The following PTCHD4 variants were observed in gnomAD, a reference collection of about 807,000 sequenced individuals.
The protein encoded by PTCHD4 is patched domain containing 4.
Under a neutral mutation model 58.1 loss-of-function variants are expected in PTCHD4, and 33 were observed. That is an observed-to-expected ratio of 0.57 (90% CI 0.43 to 0.76). PTCHD4 has a LOEUF of 0.76. PTCHD4 is among the 30% of genes least tolerant of loss of function. The probability of loss-of-function intolerance (pLI) is 0.00; values close to 1 mark genes in which losing one functional copy is unlikely to be tolerated. For missense variants in PTCHD4, 1,058 were observed against 1,027.1 expected, an observed-to-expected ratio of 1.03 and a Z score of -0.41; for synonymous variants, 478 against 409.6, an observed-to-expected ratio of 1.17 and a Z score of -2.02.
At chr6:48,014,201 C>T (rs550400790) in intron 3 of PTCHD4, among the ~76,000 whole-genome samples, 38 of 152,110 alleles carry the variant, frequency 2.5e-4, no homozygotes, top group African/African-American at 6.7e-4. Context: ...TTAAAAGGTC[C>T]ACATTTTGTA....
chr6:48,084,840 T>G (rs1765232505), intron 1 of PTCHD4, among the ~76,000 whole-genome samples: 1 of 150,934 alleles, frequency 6.6e-6, no homozygotes, highest in South Asian at 2.1e-4. Flanking sequence ...ACCTCCCAGG[T>G]TCAAGCTGTT....
At chr6:47,935,373 A>T (rs1198231465) in intron 4 of PTCHD4, among the ~76,000 whole-genome samples, 1 of 152,150 alleles carries the variant, frequency 6.6e-6, no homozygotes, top group Admixed American at 6.5e-5. Flanking sequence ...CTTTAAAATG[A>T]GAACATGTCA....
chr6:48,016,940 C>A (rs1421820826), intron 3 of PTCHD4, among the ~76,000 whole-genome samples: 1 of 152,178 alleles, frequency 6.6e-6, no homozygotes, highest in Non-Finnish European at 1.5e-5. Flanking sequence ...GATAATATGA[C>A]AGCACAGCTT....
intron 3 of PTCHD4, among the ~76,000 whole-genome samples, chr6:48,036,225 A>C (rs17660491): frequency 6.6e-6 from 1 of 151,886 alleles, no homozygotes; most frequent in Non-Finnish European, 1.5e-5. Context: ...TTTCAAGAGA[A>C]ATACAATTTG....
chr6:48,046,660 C>A lies in PTCHD4; in HGVS notation c.417+21570G>T, dbSNP rs373945881. Among the ~76,000 whole-genome samples the A allele has an allele frequency of 1.3e-3, 190 of 151,870 alleles. 4 individuals carry two copies. The South Asian group carries it at 0.038, about 30-fold the overall frequency. ...GGAACAGCTTTCTCAATTGTTCTGA[C>A]TTTTAAGAGGTCCTGCAGTTTGTTT... On this transcript the variant is annotated intron_variant, in intron 3 of 4. Coordinates refer to ENST00000339488, the MANE Select transcript of PTCHD4 (RefSeq NM_001384253.1).
At chr6:48,103,472 C>T (rs1021890726) in intron 1 of PTCHD4, among the ~76,000 whole-genome samples, 1 of 152,040 alleles carries the variant, frequency 6.6e-6, no homozygotes, top group Non-Finnish European at 1.5e-5. Context: ...TCATCAAAGA[C>T]CAAAGGTAGA....
chr6:47,965,321 G>A (rs1156270151), intron 4 of PTCHD4, among the ~76,000 whole-genome samples: 1 of 152,184 alleles, frequency 6.6e-6, no homozygotes, highest in Non-Finnish European at 1.5e-5. Context: ...ATCACCTGTA[G>A]ATGTGAAGAC....
At chr6:48,043,676 C>T (rs1763927903) in intron 3 of PTCHD4, among the ~76,000 whole-genome samples, 1 of 151,846 alleles carries the variant, frequency 6.6e-6, no homozygotes, top group South Asian at 2.1e-4. Flanking sequence ...TGACTATGTA[C>T]AATGTCTCTA....
intron 3 of PTCHD4, among the ~76,000 whole-genome samples, chr6:48,057,171 GT>G (rs372080844): frequency 8.7e-5 from 13 of 149,400 alleles, no homozygotes; most frequent in African/African-American, 2.7e-4. Context: ...TCTGGCGGCG[GT>G]TTTTTTTGTT....
chr6:47,959,010 A>G (rs1246113600), intron 4 of PTCHD4, among the ~76,000 whole-genome samples: 1 of 152,240 alleles, frequency 6.6e-6, no homozygotes, highest in Non-Finnish European at 1.5e-5. Context: ...TAGACATACA[A>G]AAATACATAG....
At chr6:48,101,426 G>C (rs1309318250) in intron 1 of PTCHD4, among the ~76,000 whole-genome samples, 1 of 152,160 alleles carries the variant, frequency 6.6e-6, no homozygotes, top group African/African-American at 2.4e-5. Flanking sequence ...AGTAGGTAAA[G>C]ACATAACCAT....
intron 3 of PTCHD4, among the ~76,000 whole-genome samples, chr6:48,017,082 G>A (rs951224071): frequency 1.3e-5 from 2 of 152,110 alleles, no homozygotes; most frequent in Non-Finnish European, 2.9e-5. Context: ...TTAGTAGATG[G>A]TGACATTTCC....
At position 47,873,603 on chromosome 6, in the gene PTCHD4, A is replaced by G. The variant is rs1763773628; in HGVS notation, c.*4700T>C. 6.6e-6 allele frequency among the ~76,000 whole-genome samples: 1 copy of G among 151,682 alleles called. No individual in the cohort carries two copies. Among genetic ancestry groups the G allele is most frequent in the African/African-American group, 2.4e-5 (1 of 41,380 alleles). On this transcript the variant is annotated 3_prime_UTR_variant, in exon 5 of 5. Coordinates refer to ENST00000339488, the MANE Select transcript of PTCHD4 (RefSeq NM_001384253.1). ...GATTTTGCTGCTTTCATTTGGGTCA[A>G]TATCATTGTAGTTATTTTGTAGACA... is the stretch of plus-strand genomic sequence containing the variant.
In PTCHD4 at chr6:47,873,371, T is replaced by C. The variant is rs1353910590; in HGVS notation, c.*4932A>G. Among the ~76,000 whole-genome samples the C allele has an allele frequency of 6.6e-6, 1 of 151,666 alleles. No homozygotes were observed. The highest frequency in any genetic ancestry group is 1.9e-4 in the East Asian group (1 of 5,146). On this transcript the variant is annotated 3_prime_UTR_variant, in exon 5 of 5. Transcript: ENST00000339488. ...GATGTGGGCTCATCTCTCAATATCC[T>C]TCCAGTGTCATTTCAAATGTTGCCT...
chr6:48,080,876 G>T (rs192829874), intron 1 of PTCHD4, among the ~76,000 whole-genome samples: 1 of 152,002 alleles, frequency 6.6e-6, no homozygotes, highest in Non-Finnish European at 1.5e-5. Flanking sequence ...CAGCTCTCCC[G>T]GTATTAATGG....
intron 4 of PTCHD4, among the ~76,000 whole-genome samples, chr6:47,969,143 C>G (rs1045540862): frequency 5.9e-5 from 9 of 152,164 alleles, no homozygotes; most frequent in African/African-American, 2.2e-4. Flanking sequence ...GAAAGGACTA[C>G]AACTTAAATG....
Position 47,879,646 on chromosome 6 carries a change from G to T in PTCHD4, c.1189C>A (p.Arg397Ser). ...TTACAGCAAAAGATGCTGTGGTAGC[G>T]GTTTTGCTCTAGTTGGCCAGCAAAG... Reference protein sequence around the residue: ...LVFAGQLEQNRYHSIFCCKIP... With the variant: ...LVFAGQLEQNSYHSIFCCKIP... The change falls in exon 5 of 5, where the codon CGC becomes AGC. Residue 397 changes from arginine (R) to serine (S), a missense_variant. Coordinates refer to ENST00000339488, the MANE Select transcript of PTCHD4 (RefSeq NM_001384253.1). 1 of 1,613,594 alleles carries T rather than the reference G, an allele frequency of 6.2e-7. No individual in the cohort carries two copies. The highest frequency in any genetic ancestry group is 1.1e-5 in the South Asian group (1 of 91,064).
intron 1 of PTCHD4, among the ~76,000 whole-genome samples, chr6:48,110,375 T>C (rs1446622725): frequency 6.6e-6 from 1 of 151,906 alleles, no homozygotes; most frequent in Non-Finnish European, 1.5e-5. Flanking sequence ...TTGAAAGAAA[T>C]AAACTACCCT....
chr6:48,036,154 T>A (rs1291307835), intron 3 of PTCHD4, among the ~76,000 whole-genome samples: 3 of 152,114 alleles, frequency 2.0e-5, no homozygotes, highest in Non-Finnish European at 4.4e-5. Flanking sequence ...AAGTTTAATT[T>A]TTTTTCACTT....
Sources: allele counts gnomAD v4.1 joint callset (sites outside exome capture counted in the v4.1 genomes callset), GRCh38; gene constraint gnomAD v4.1.1; transcripts MANE v1.5; gene names NCBI Gene and HGNC (gene_info 2026-07-23, HGNC 2026-07-21).